The following CHRM3 variants were observed in gnomAD, a reference collection of about 807,000 sequenced individuals.
CHRM3 encodes muscarinic acetylcholine receptor M3.
Under a neutral mutation model 41.8 loss-of-function variants are expected in CHRM3, and 11 were observed. That is an observed-to-expected ratio of 0.26 (90% CI 0.17 to 0.44). The LOEUF (loss-of-function observed/expected upper bound fraction) is 0.44, where lower values mean the gene tolerates loss of function less well. Ranked by LOEUF, CHRM3 falls within the 20% of genes least tolerant of loss-of-function variation. The pLI, the probability that CHRM3 is intolerant of heterozygous loss-of-function variation, is 1.00. For missense variants in CHRM3, 571 were observed against 745.4 expected (o/e 0.77, Z 2.72); for synonymous variants, 297 against 301.4 (o/e 0.99, Z 0.15).
At chr1:239,490,484 CACTTGCA>C (rs1330634174) in intron 1 of CHRM3, among the ~76,000 whole-genome samples, 1 of 152,162 alleles carries the variant, frequency 6.6e-6, no homozygotes, top group Non-Finnish European at 1.5e-5. Context: ...AGGACTGTTA[CACTTGCA>C]GTATCAAGCA....
At position 239,908,508 on chromosome 1, in the gene CHRM3, G is replaced by A. The variant is rs201087854; in HGVS notation, c.1057G>A (p.Asp353Asn). The change falls in exon 7 of 7, where the codon GAC becomes AAC. Residue 353 changes from aspartate to asparagine, a missense_variant. Asp to Asn is a conservative substitution (Grantham distance 23, BLOSUM62 1). Coordinates refer to ENST00000676153, the MANE Select transcript of CHRM3 (RefSeq NM_001375978.1). The surrounding 1 kb of genome is among the most constrained non-coding windows in gnomAD (Gnocchi z 7.2). ...CTCCCTGGAGAACTCCGCCTCCTCCGACGAGGAGGACATTGGCTCCGAGAC... is the reference window on the plus strand; with the variant it reads ...CTCCCTGGAGAACTCCGCCTCCTCCAACGAGGAGGACATTGGCTCCGAGAC... ...AASLENSASS[D>N]EEDIGSETRA... The A allele has an allele frequency of 1.8e-5, 29 of 1,598,652 alleles. No individual in the cohort carries two copies. Among genetic ancestry groups the A allele is most frequent in the East Asian group, 4.5e-5 (2 of 44,470 alleles).
intron 5 of CHRM3, among the ~76,000 whole-genome samples, chr1:239,783,197 C>A (rs1191935238): frequency 2.0e-5 from 3 of 151,822 alleles, no homozygotes; most frequent in East Asian, 3.9e-4. Context: ...ATGTCAAAGT[C>A]TCCAGCTATA....
intron 5 of CHRM3, among the ~76,000 whole-genome samples, chr1:239,753,229 T>C (rs947405190): frequency 1.4e-4 from 22 of 152,234 alleles, no homozygotes; most frequent in Admixed American, 9.8e-4. Context: ...GCAAGAATTA[T>C]GTCTATGTTG....
At chr1:239,527,477 C>T (rs1487530947) in intron 2 of CHRM3, among the ~76,000 whole-genome samples, 1 of 152,210 alleles carries the variant, frequency 6.6e-6, no homozygotes, top group East Asian at 1.9e-4. Context: ...GCACTGCTGA[C>T]CAACTGATTG....
At chr1:239,388,405 C>T (rs1418599946) in intron 1 of CHRM3, among the ~76,000 whole-genome samples, 3 of 152,164 alleles carry the variant, frequency 2.0e-5, no homozygotes, top group Non-Finnish European at 4.4e-5. Context: ...GTCCCCTCCC[C>T]CCATTTTGAC....
At chr1:239,783,693 T>C (rs934294011) in intron 5 of CHRM3, among the ~76,000 whole-genome samples, 3 of 152,150 alleles carry the variant, frequency 2.0e-5, no homozygotes, top group Non-Finnish European at 4.4e-5. Context: ...CAAGATAAGA[T>C]AGATTTGTTA....
At chr1:239,682,488 G>A (rs1372351266) in intron 5 of CHRM3, among the ~76,000 whole-genome samples, 1 of 152,076 alleles carries the variant, frequency 6.6e-6, no homozygotes, top group African/African-American at 2.4e-5. Flanking sequence ...ACATGGAAGA[G>A]CTACTGGGAG....
intron 2 of CHRM3, among the ~76,000 whole-genome samples, chr1:239,533,297 T>C (rs1309765984): frequency 6.6e-6 from 1 of 152,062 alleles, no homozygotes; most frequent in Admixed American, 6.6e-5. Context: ...GTGGGTAATT[T>C]ATAAAGAAAA....
chr1:239,702,272 C>CT (rs1435237348), intron 5 of CHRM3, among the ~76,000 whole-genome samples: 1 of 152,100 alleles, frequency 6.6e-6, no homozygotes, highest in East Asian at 1.9e-4. Context: ...CCCAGTTATT[C>CT]TAACAGTATT....
chr1:239,821,345 G>A (rs12733548), intron 5 of CHRM3, among the ~76,000 whole-genome samples: 22,053 of 152,158 alleles, frequency 0.14, 2,108 homozygotes, highest in Non-Finnish European at 0.22. Flanking sequence ...CAGCATATGG[G>A]GTAGGTGTGA....
intron 2 of CHRM3, among the ~76,000 whole-genome samples, chr1:239,540,702 A>G (rs1658690846): frequency 6.6e-6 from 1 of 152,128 alleles, no homozygotes. Context: ...TTTACCATAC[A>G]CAATATTGCC....
At chr1:239,903,634 A>C (rs1679747201) in intron 6 of CHRM3, among the ~76,000 whole-genome samples, 1 of 152,184 alleles carries the variant, frequency 6.6e-6, no homozygotes, top group African/African-American at 2.4e-5. Flanking sequence ...CAGGTTTCAA[A>C]GGACATCATC....
chr1:239,581,195 G>T (rs1662866868), intron 3 of CHRM3, among the ~76,000 whole-genome samples: 1 of 151,954 alleles, frequency 6.6e-6, no homozygotes, highest in South Asian at 2.1e-4. Flanking sequence ...ATAATATAAA[G>T]GAGAAGGAAA....
chr1:239,819,512 T>C lies in CHRM3; in HGVS notation c.-146-7740T>C, dbSNP rs577446548. The stretch of plus-strand genomic sequence containing the variant: ...TGTCTGCGTTAAGCAAAATAGTTCA[T>C]TGAGCTACATACATATTTAAGCAAT... On this transcript the variant is annotated intron_variant, in intron 5 of 6. Coordinates refer to ENST00000676153, the MANE Select transcript of CHRM3 (RefSeq NM_001375978.1). Among the ~76,000 whole-genome samples, 9 of 152,336 alleles carry C rather than the reference T, an allele frequency of 5.9e-5. No individual in the cohort carries two copies. The South Asian group carries it at 1.7e-3, about 28-fold the overall frequency.
At chr1:239,799,144 G>T (rs1318841253) in intron 5 of CHRM3, among the ~76,000 whole-genome samples, 1 of 152,164 alleles carries the variant, frequency 6.6e-6, no homozygotes, top group Non-Finnish European at 1.5e-5. Context: ...GTTAAAAAGA[G>T]AAAATTGTTT....
intron 3 of CHRM3, among the ~76,000 whole-genome samples, chr1:239,618,868 A>T (rs1668033424): frequency 6.7e-6 from 1 of 148,676 alleles, no homozygotes; most frequent in Non-Finnish European, 1.5e-5. Flanking sequence ...AAAAGTAAAG[A>T]TGACATTTAG....
chr1:239,536,662 C>T (rs1658230940), intron 2 of CHRM3, among the ~76,000 whole-genome samples: 1 of 152,052 alleles, frequency 6.6e-6, no homozygotes, highest in Admixed American at 6.5e-5. Context: ...ATCTAAGTAC[C>T]TGGGCTGGTA....
intron 2 of CHRM3, among the ~76,000 whole-genome samples, chr1:239,527,920 TTTC>T (rs1229472758): frequency 6.6e-6 from 1 of 152,222 alleles, no homozygotes; most frequent in Non-Finnish European, 1.5e-5. Context: ...TGATTTTTTT[TTTC>T]TTTTCACAAC....
At chr1:239,895,866 T>C (rs1411296190) in intron 6 of CHRM3, among the ~76,000 whole-genome samples, 1 of 151,948 alleles carries the variant, frequency 6.6e-6, no homozygotes, top group Non-Finnish European at 1.5e-5. Flanking sequence ...TCCTGTTGGG[T>C]ACTATGCTCA....
Sources: allele counts gnomAD v4.1 joint callset (sites outside exome capture counted in the v4.1 genomes callset), GRCh38; gene constraint gnomAD v4.1.1; non-coding constraint Gnocchi (gnomAD v3.1); transcripts MANE v1.5; gene names NCBI Gene and HGNC (gene_info 2026-07-23, HGNC 2026-07-21).